The following NAV2 variants were observed in gnomAD, a reference collection of about 807,000 sequenced individuals.
NAV2 encodes the protein neuron navigator 2.
In NAV2, 54 loss-of-function variants were observed where a neutral mutation model predicts 223.2. The observed-to-expected ratio is 0.24, with a 90% CI of 0.19 to 0.30. The LOEUF (loss-of-function observed/expected upper bound fraction) is 0.30, where lower values mean the gene tolerates loss of function less well. Ranked by LOEUF, NAV2 falls within the 10% of genes least tolerant of loss-of-function variation. The pLI is 1.00. For synonymous variants in NAV2, 1,279 were observed against 1,239.3 expected (o/e 1.03, Z -0.67); for missense variants, 2,806 against 3,147.5 (o/e 0.89, Z 2.60).
At position 19,721,891 on chromosome 11, in the gene NAV2, C is replaced by T. The variant is rs187503767; in HGVS notation, c.267+7929C>T. Among the ~76,000 whole-genome samples the T allele has an allele frequency of 1.4e-4, 22 of 152,282 alleles. No homozygotes were observed. The East Asian group carries it at 3.9e-3, about 27-fold the overall frequency. ...TCAATTAGGAAAAATAAGGTGAGAACATCTGCAGAAAGAAGAAAGAAAATG... is the reference window on the plus strand; with the variant it reads ...TCAATTAGGAAAAATAAGGTGAGAATATCTGCAGAAAGAAGAAAGAAAATG... On this transcript the variant is annotated intron_variant, in intron 1 of 37. Transcript: ENST00000349880.
chr11:19,814,979 ATCTGC>A (rs1348054498), intron 1 of NAV2, among the ~76,000 whole-genome samples: 1 of 151,486 alleles, frequency 6.6e-6, no homozygotes, highest in Non-Finnish European at 1.5e-5. Context: ...TGCTTCTCTT[ATCTGC>A]TTAATGCTTA....
At chr11:20,085,607 C>T (rs1208993754) in intron 26 of NAV2, among the ~76,000 whole-genome samples, 3 of 152,232 alleles carry the variant, frequency 2.0e-5, no homozygotes, top group Non-Finnish European at 4.4e-5. Context: ...GTAACAAACT[C>T]AGCCCAACGC....
At chr11:20,007,037 A>G (rs1243434453) in intron 11 of NAV2, among the ~76,000 whole-genome samples, 2 of 151,642 alleles carry the variant, frequency 1.3e-5, no homozygotes, top group African/African-American at 2.4e-5. Context: ...GCTCACTGCA[A>G]CCTCCGCCTC....
intron 1 of NAV2, among the ~76,000 whole-genome samples, chr11:19,648,795 G>A (rs1457887118): frequency 6.6e-6 from 1 of 152,146 alleles, no homozygotes; most frequent in Non-Finnish European, 1.5e-5. Flanking sequence ...TACTTGTACA[G>A]TTATTATTAG....
At chr11:19,493,902 G>A (rs1012873718) in intron 1 of NAV2, among the ~76,000 whole-genome samples, 2 of 152,238 alleles carry the variant, frequency 1.3e-5, no homozygotes, top group Non-Finnish European at 2.9e-5. Context: ...AGAAAGCAAT[G>A]TATCAGACCA....
At chr11:19,416,808 T>C (rs1850389922) in intron 1 of NAV2, among the ~76,000 whole-genome samples, 1 of 152,190 alleles carries the variant, frequency 6.6e-6, no homozygotes, top group Non-Finnish European at 1.5e-5. Context: ...TACAACCACC[T>C]GATCTTTGAC....
intron 1 of NAV2, among the ~76,000 whole-genome samples, chr11:19,826,059 A>G (rs1345806459): frequency 6.6e-6 from 1 of 152,184 alleles, no homozygotes; most frequent in East Asian, 1.9e-4. Context: ...GATTGGAGCA[A>G]GAGGATGGCT....
intron 26 of NAV2, 132 bp downstream of exon 26, chr11:20,083,311 A>G (rs1592056114): frequency 1.5e-6 from 1 of 673,848 alleles, no homozygotes; most frequent in Non-Finnish European, 2.4e-6. Context: ...AGGACTGTGC[A>G]TGTTCTTTCA....
At chr11:20,091,058 A>C in intron 27 of NAV2, 40 bp downstream of exon 27, 1 of 1,600,324 alleles carries the variant, frequency 6.2e-7, no homozygotes, top group South Asian at 1.1e-5. Context: ...AAGGCTGTCT[A>C]TGAAGGAGCT....
At chr11:19,607,358 G>T (rs1386962825) in intron 1 of NAV2, among the ~76,000 whole-genome samples, 3 of 152,200 alleles carry the variant, frequency 2.0e-5, no homozygotes, top group Non-Finnish European at 4.4e-5. Flanking sequence ...GCTAGGCCTG[G>T]GGACCAGCTC....
At chr11:19,657,110 G>A (rs2048149096) in intron 1 of NAV2, among the ~76,000 whole-genome samples, 2 of 152,160 alleles carry the variant, frequency 1.3e-5, no homozygotes, top group Non-Finnish European at 2.9e-5. Context: ...CAGAGCTGAG[G>A]GGAGAGTTTG....
chr11:19,959,990 C>T (rs528232603), intron 10 of NAV2, among the ~76,000 whole-genome samples: 1 of 152,264 alleles, frequency 6.6e-6, no homozygotes, highest in South Asian at 2.1e-4. Flanking sequence ...CTGAGACTGG[C>T]CCAGATGTTT....
chr11:19,529,511 A>G (rs959082986), intron 1 of NAV2, among the ~76,000 whole-genome samples: 1 of 151,948 alleles, frequency 6.6e-6, no homozygotes, highest in Non-Finnish European at 1.5e-5. Context: ...ATTCTCTAAC[A>G]TGTCGCCTTT....
At chr11:19,365,082 G>A (rs1377921815) in intron 1 of NAV2, among the ~76,000 whole-genome samples, 1 of 152,158 alleles carries the variant, frequency 6.6e-6, no homozygotes, top group Non-Finnish European at 1.5e-5. Flanking sequence ...TATGCTTAGA[G>A]CCCAAGTTTC....
chr11:19,391,024 G>T (rs1263412401), intron 1 of NAV2, among the ~76,000 whole-genome samples: 2 of 152,192 alleles, frequency 1.3e-5, no homozygotes, highest in Non-Finnish European at 1.5e-5. Flanking sequence ...CTGAGAGGCA[G>T]AAAAGATAAA....
chr11:19,638,203 C>T (rs572441572), intron 1 of NAV2, among the ~76,000 whole-genome samples: 26 of 152,196 alleles, frequency 1.7e-4, no homozygotes, highest in African/African-American at 5.5e-4. Context: ...AGTGAGCACC[C>T]GATAAAGACT....
intron 1 of NAV2, among the ~76,000 whole-genome samples, chr11:19,782,233 A>G (rs1251077002): frequency 6.6e-6 from 1 of 152,224 alleles, no homozygotes; most frequent in Admixed American, 6.5e-5. Context: ...GCTGTGGGTA[A>G]TGAGCCCTCA....
chr11:19,946,934 AG>A (rs1379717139), intron 9 of NAV2, among the ~76,000 whole-genome samples: 1 of 152,226 alleles, frequency 6.6e-6, no homozygotes, highest in African/African-American at 2.4e-5. Flanking sequence ...AAAACATGTA[AG>A]GAAATATTTA....
At chr11:19,366,501 G>A (rs981448890) in intron 1 of NAV2, among the ~76,000 whole-genome samples, 1 of 152,184 alleles carries the variant, frequency 6.6e-6, no homozygotes, top group African/African-American at 2.4e-5. Flanking sequence ...GAGGAAGCAT[G>A]TGGCTGGATG....
Sources: gnomAD v4.1 joint callset for allele counts (sites outside exome capture counted in the v4.1 genomes callset) on GRCh38, gnomAD v4.1.1 for gene constraint, MANE v1.5 for transcripts, NCBI Gene and HGNC (gene_info 2026-07-23, HGNC 2026-07-21) for gene names.